GTF2H1: variants seen among roughly 807,000 people sequenced by gnomAD.
GTF2H1 encodes the protein general transcription factor IIH subunit 1, also known as BTF2 p62.
A neutral mutation model predicts 71.2 loss-of-function variants in GTF2H1; 16 were observed. The observed-to-expected ratio is 0.22, with a 90% CI of 0.15 to 0.34. The LOEUF (loss-of-function observed/expected upper bound fraction) is 0.34. Among genes scored for constraint, GTF2H1 ranks in the 10% least tolerant of loss-of-function variants. The pLI is 1.00. For missense variants in GTF2H1, 498 were observed against 648.2 expected (o/e 0.77, Z 2.52); for synonymous variants, 215 against 219.0 (o/e 0.98, Z 0.16).
intron 1 of GTF2H1, among the ~76,000 whole-genome samples, chr11:18,330,240 C>T (rs143484814): frequency 6.6e-6 from 1 of 152,282 alleles, no homozygotes; most frequent in East Asian, 1.9e-4. Context: ...TAACTTGGAA[C>T]ATTTTTGTGT....
chr11:18,335,635 T>C (rs1865007704), intron 2 of GTF2H1, 119 bp from the exon 3 acceptor site: 1 of 673,254 alleles, frequency 1.5e-6, no homozygotes, highest in African/African-American at 1.8e-5. Flanking sequence ...GCATCAGTAT[T>C]GGAATAGGGC....
chr11:18,330,095 A>T (rs182785335), intron 1 of GTF2H1, among the ~76,000 whole-genome samples: 1 of 152,242 alleles, frequency 6.6e-6, no homozygotes, highest in South Asian at 2.1e-4. Context: ...GTCAAAACGC[A>T]TCGAACAGAA....
intron 11 of GTF2H1, among the ~76,000 whole-genome samples, chr11:18,357,505 C>T (rs1865584668): frequency 6.6e-6 from 1 of 151,956 alleles, no homozygotes; most frequent in African/African-American, 2.4e-5. Flanking sequence ...TTGCTTGAGC[C>T]CAGGAGTTCA....
rs1208783838 is a variant in GTF2H1, at chr11:18,339,229, TTTAA to T, written c.514-331_514-328del. Among the ~76,000 whole-genome samples the T allele has an allele frequency of 3.9e-5, 6 of 152,326 alleles. No individual in the cohort carries two copies. The South Asian group carries it at 6.2e-4, about 16-fold the overall frequency. ...AAAGAAGTCAGTCAGTTAATGTTAA[TTTAA>T]TTATTTACTAACCAAGGTTTGTAGT... is the stretch of plus-strand genomic sequence containing the variant. On this transcript the variant is annotated intron_variant, in intron 4 of 14. Transcript: ENST00000265963.
At position 18,366,152 on chromosome 11, in the gene GTF2H1, T is replaced by TA. The variant is rs1865819506; in HGVS notation, c.*284dup. 3.0e-6 allele frequency: 1 copy of TA among 329,848 alleles called. No individual in the cohort carries two copies. Among genetic ancestry groups the TA allele is most frequent in the South Asian group, 1.3e-4 (1 of 7,876 alleles). 20.4% of individuals were successfully genotyped at this position (329,848 alleles called of 1,614,324 possible). On this transcript the variant is annotated 3_prime_UTR_variant, in exon 15 of 15. Coordinates refer to ENST00000265963, the MANE Select transcript of GTF2H1 (RefSeq NM_005316.4). ...ACATATATGTACATGTGTATGTACA[T>TA]ATATATTTTAAAAGACTGTTTACTG...
At chr11:18,362,668 CTTT>C (rs35306497) in intron 14 of GTF2H1, among the ~76,000 whole-genome samples, 7 of 107,928 alleles carry the variant, frequency 6.5e-5, no homozygotes, top group African/African-American at 2.0e-4. Flanking sequence ...TTTTCTTTTT[CTTT>C]TTTTTTTTTT....
chr11:18,332,855 G>C (rs1293221868), intron 1 of GTF2H1: 1 of 427,514 alleles, frequency 2.3e-6, no homozygotes, highest in Non-Finnish European at 4.2e-6. Flanking sequence ...TACACCTGTG[G>C]TATGAGCAAA....
rs763930119 is a variant in GTF2H1 at position 18,339,573 on chromosome 11, C to T, written c.523C>T (p.Arg175Trp). The change falls in exon 5 of 15, where the codon CGG becomes TGG. Residue 175 changes from arginine to tryptophan, a missense_variant. Arg to Trp is a moderately radical substitution (Grantham distance 101). Transcript: ENST00000265963. ...ATGGGCTTTGTTTTAGGCTGATGTC[C>T]GGCCCCAAACTGATGGCTGTAACGG... is the stretch of plus-strand genomic sequence containing the variant. ...GISAAFLADV[R>W]PQTDGCNGLR... The T allele has an allele frequency of 1.9e-5, 31 of 1,611,952 alleles. No homozygotes were observed. The highest frequency in any genetic ancestry group is 1.6e-4 in the East Asian group (7 of 44,866).
At position 18,339,707 on chromosome 11, in the gene GTF2H1, A is replaced by G. The variant is rs575690577; in HGVS notation, c.607+50A>G. 28 of 1,069,720 alleles carry G rather than the reference A, an allele frequency of 2.6e-5. 1 individual carries two copies. The highest frequency in any genetic ancestry group is 8.3e-5 in the South Asian group (6 of 72,562). The allele number at this position is 1,069,720 out of a possible 1,614,324, so 66.3% of individuals were successfully genotyped here. ...TGGTTAAAATATATGGATATATTCT[A>G]TAGTATATCAGTGAAAAACAAAAAG... On this transcript the variant is annotated intron_variant, in intron 5 of 14. Coordinates refer to ENST00000265963, the MANE Select transcript of GTF2H1 (RefSeq NM_005316.4).
chr11:18,357,705 G>C (rs1305818148), intron 11 of GTF2H1, among the ~76,000 whole-genome samples: 2 of 152,122 alleles, frequency 1.3e-5, no homozygotes, highest in African/African-American at 2.4e-5. Context: ...GCAAAACCTT[G>C]GGAGTTTTGA....
At chr11:18,342,639 A>G (rs1419544052) in intron 7 of GTF2H1, among the ~76,000 whole-genome samples, 2 of 152,172 alleles carry the variant, frequency 1.3e-5, no homozygotes, top group Non-Finnish European at 2.9e-5. Context: ...AGAAGAATCT[A>G]TACAAACATG....
chr11:18,328,758 G>A (rs1309438208), intron 1 of GTF2H1, among the ~76,000 whole-genome samples: 5 of 151,650 alleles, frequency 3.3e-5, no homozygotes, highest in African/African-American at 1.2e-4. Flanking sequence ...CCCGGGAGGC[G>A]GAGGTTGCAG....
At chr11:18,350,677 C>T (rs1255454446) in intron 9 of GTF2H1, among the ~76,000 whole-genome samples, 1 of 152,054 alleles carries the variant, frequency 6.6e-6, no homozygotes, top group Non-Finnish European at 1.5e-5. Context: ...TTCAGATTGA[C>T]GTTTTTTGAG....
At chr11:18,332,288 A>G (rs990833949) in intron 1 of GTF2H1, among the ~76,000 whole-genome samples, 15 of 152,234 alleles carry the variant, frequency 9.9e-5, no homozygotes, top group African/African-American at 3.6e-4. Flanking sequence ...CATTGGTGCC[A>G]CAACTTTCCC....
At chr11:18,352,261 G>T in intron 10 of GTF2H1, 68 bp from the exon 11 acceptor site, 1 of 751,978 alleles carries the variant, frequency 1.3e-6, no homozygotes, top group Non-Finnish European at 2.3e-6. Context: ...CTGCTAAAAT[G>T]TTGCAAAGAC....
In GTF2H1 at chr11:18,333,175, C is replaced by T; in HGVS notation, c.101C>T (p.Ala34Val). ...CTCATGGCAGAAAGAATTGCTTGGG[C>T]ACCTGAAGGCAAAGATAGATTTACA... ...LYLMAERIAW[A>V]PEGKDRFTIS... Residue 34 changes from alanine to valine, a missense_variant, in exon 2 of 15, where the codon GCA becomes GTA. By Grantham distance (64) the Ala-to-Val change is moderately conservative. Coordinates refer to ENST00000265963, the MANE Select transcript of GTF2H1 (RefSeq NM_005316.4). 1 of 1,613,402 alleles carries T rather than the reference C, an allele frequency of 6.2e-7. No individual in the cohort carries two copies. Among genetic ancestry groups the T allele is most frequent in the Non-Finnish European group, 8.5e-7 (1 of 1,179,568 alleles).
At chr11:18,343,328 A>G (rs1015240310) in intron 7 of GTF2H1, among the ~76,000 whole-genome samples, 1 of 152,242 alleles carries the variant, frequency 6.6e-6, no homozygotes, top group Non-Finnish European at 1.5e-5. Context: ...AATAAGTAGT[A>G]GGTAATAGGC....
At chr11:18,359,835 C>T (rs1349960006) in intron 13 of GTF2H1, among the ~76,000 whole-genome samples, 1 of 151,468 alleles carries the variant, frequency 6.6e-6, no homozygotes, top group African/African-American at 2.4e-5. Flanking sequence ...CTCAGCCTCT[C>T]TAGTAGCTGG....
intron 11 of GTF2H1, among the ~76,000 whole-genome samples, chr11:18,353,646 T>C (rs1865477092): frequency 6.6e-6 from 1 of 152,240 alleles, no homozygotes; most frequent in Admixed American, 6.5e-5. Flanking sequence ...TTTTTCCTTT[T>C]CTCCGTTTTT....
Sources: allele counts gnomAD v4.1 joint callset (sites outside exome capture counted in the v4.1 genomes callset), GRCh38; gene constraint gnomAD v4.1.1; transcripts MANE v1.5; gene names NCBI Gene and HGNC (gene_info 2026-07-23, HGNC 2026-07-21).